Variants in ANO2 observed in about 807,000 individuals in gnomAD.
ANO2 encodes anoctamin-2.
ANO2 carries 101 observed loss-of-function variants against 124.2 expected under a neutral mutation model. That is an observed-to-expected ratio of 0.81 (90% confidence interval 0.69 to 0.96). The LOEUF (loss-of-function observed/expected upper bound fraction) is 0.96, where lower values mean the gene tolerates loss of function less well. ANO2 is among the 40% of genes least tolerant of loss of function. ANO2 has a pLI of 0.00. For synonymous variants in ANO2, 486 were observed against 482.5 expected, an observed-to-expected ratio of 1.01 and a Z score of -0.09; for missense variants, 1,293 against 1,274.5, an observed-to-expected ratio of 1.01 and a Z score of -0.22.
At chr12:5,915,701 C>T (rs1565775906) in intron 3 of ANO2, among the ~76,000 whole-genome samples, 1 of 152,194 alleles carries the variant, frequency 6.6e-6, no homozygotes, top group African/African-American at 2.4e-5. Flanking sequence ...TGTGAAGCCC[C>T]CATTCCAGGC....
intron 15 of ANO2, among the ~76,000 whole-genome samples, chr12:5,643,846 A>G (rs1224008888): frequency 2.0e-5 from 3 of 152,164 alleles, no homozygotes; most frequent in Non-Finnish European, 2.9e-5. Context: ...TTTGTGAAGT[A>G]CATATTCATC....
chr12:5,899,105 C>T (rs1200602928), intron 3 of ANO2, among the ~76,000 whole-genome samples: 3 of 152,112 alleles, frequency 2.0e-5, no homozygotes, highest in East Asian at 1.9e-4. Context: ...CTCCGGAGTC[C>T]GCCAACACCT....
At chr12:5,570,072 A>G (rs1565421722) in intron 23 of ANO2, among the ~76,000 whole-genome samples, 1 of 152,260 alleles carries the variant, frequency 6.6e-6, no homozygotes, top group African/African-American at 2.4e-5. Flanking sequence ...AATAAATGAA[A>G]GTGATACAGA....
intron 10 of ANO2, among the ~76,000 whole-genome samples, chr12:5,782,355 T>C (rs750233532): frequency 1.5e-4 from 23 of 152,250 alleles, no homozygotes; most frequent in Non-Finnish European, 2.9e-4. Context: ...GTAAACAGCA[T>C]ATAATTGGGT....
intron 4 of ANO2, among the ~76,000 whole-genome samples, chr12:5,839,427 C>A (rs1433397526): frequency 1.3e-5 from 2 of 152,166 alleles, no homozygotes; most frequent in Non-Finnish European, 2.9e-5. Context: ...GATGACTCGG[C>A]AATGGAGGAT....
Position 5,889,223 on chromosome 12 carries a change from G to C in ANO2, c.534+31817C>G, listed in dbSNP as rs563617183. On this transcript the variant is annotated intron_variant, in intron 3 of 24. Coordinates refer to ENST00000682330, the MANE Select transcript of ANO2 (RefSeq NM_001364791.2). ...ACGCGCAGCCCTGGTTCCCGACCAT[G>C]CCTCTCCCTCTACACCTCCCTGCAA... is the stretch of plus-strand genomic sequence containing the variant. Among the ~76,000 whole-genome samples, 535 of 152,236 alleles carry C rather than the reference G, an allele frequency of 3.5e-3. 4 individuals are homozygous for C. The highest frequency in any genetic ancestry group is 0.013 in the African/African-American group (521 of 41,554).
intron 10 of ANO2, among the ~76,000 whole-genome samples, chr12:5,797,077 G>A (rs1049401954): frequency 1.3e-5 from 2 of 152,196 alleles, no homozygotes; most frequent in Middle Eastern, 3.2e-3. Context: ...CCCCTGCTCC[G>A]TCACTCTTCC....
At chr12:5,649,902 G>C (rs765040286) in intron 14 of ANO2, among the ~76,000 whole-genome samples, 1 of 152,094 alleles carries the variant, frequency 6.6e-6, no homozygotes, top group Admixed American at 6.5e-5. Context: ...GCCTGCCTTG[G>C]CCTCCCAAAA....
chr12:5,784,127 G>A (rs1298448440), intron 10 of ANO2, among the ~76,000 whole-genome samples: 3 of 151,296 alleles, frequency 2.0e-5, no homozygotes, highest in African/African-American at 7.3e-5. Flanking sequence ...GTGCTTTTTC[G>A]ACCTTTCATG....
chr12:5,610,206 A>AATACTTATATAAATAT (rs1281208154), intron 19 of ANO2, among the ~76,000 whole-genome samples: 1 of 129,630 alleles, frequency 7.7e-6, no homozygotes, highest in Non-Finnish European at 1.5e-5. Flanking sequence ...TACTTATATA[A>AATACTTATATAAATAT]ATACTTATAT....
chr12:5,798,888 GT>G, intron 10 of ANO2, among the ~76,000 whole-genome samples: 1 of 152,218 alleles, frequency 6.6e-6, no homozygotes, highest in South Asian at 2.1e-4. Context: ...TTTTAAACTA[GT>G]CAGACCTATG....
chr12:5,565,735 C>T (rs1419162605), intron 23 of ANO2, 72 bp from the exon 24 acceptor site: 1 of 1,266,174 alleles, frequency 7.9e-7, no homozygotes, highest in African/African-American at 1.5e-5. Flanking sequence ...CTGGGTGAAA[C>T]CTCGAGGGCT....
chr12:5,880,894 A>G (rs1199719674), intron 3 of ANO2, among the ~76,000 whole-genome samples: 1 of 70,220 alleles, frequency 1.4e-5, no homozygotes, highest in African/African-American at 5.3e-5. Context: ...GTGGATGGGT[A>G]GGTGGGGGAT....
At chr12:5,886,036 C>T (rs142162508) in intron 3 of ANO2, among the ~76,000 whole-genome samples, 2 of 152,304 alleles carry the variant, frequency 1.3e-5, no homozygotes, top group African/African-American at 4.8e-5. Context: ...GAATAGAGTC[C>T]TGGCCTGGGA....
At chr12:5,795,408 C>G (rs1330066269) in intron 10 of ANO2, among the ~76,000 whole-genome samples, 1 of 152,172 alleles carries the variant, frequency 6.6e-6, no homozygotes, top group Non-Finnish European at 1.5e-5. Flanking sequence ...AAGTGAGCAC[C>G]CCAGGAACAG....
chr12:5,799,506 C>G lies in ANO2; in HGVS notation c.1055+1G>C. 6.2e-7 allele frequency: 1 copy of G among 1,613,468 alleles called. No individual in the cohort carries two copies. Among genetic ancestry groups the G allele is most frequent in the Non-Finnish European group, 8.5e-7 (1 of 1,179,536 alleles). On this transcript the variant is annotated splice_donor_variant, in intron 10 of 24. Transcript: ENST00000682330. LOFTEE classifies it high-confidence loss of function. ...TCCAAAAGTTCCCTACCACCTCTTACCTGATGAGGTCAATAGGTTGGAACT... is the reference window on the plus strand; with the variant it reads ...TCCAAAAGTTCCCTACCACCTCTTAGCTGATGAGGTCAATAGGTTGGAACT...
At chr12:5,946,025 C>G (rs1943086824), upstream of ANO2, 19 of 1,142,604 alleles carry the variant, frequency 1.7e-5, no homozygotes, top group South Asian at 2.6e-4. The surrounding 1 kb of genome is among the most constrained non-coding windows in gnomAD (Gnocchi z 4.1). Flanking sequence ...CTCCAAAGGG[C>G]CCTTCTGCAC....
At chr12:5,569,115 G>A (rs1941952412) in intron 23 of ANO2, among the ~76,000 whole-genome samples, 1 of 152,240 alleles carries the variant, frequency 6.6e-6, no homozygotes, top group Non-Finnish European at 1.5e-5. Context: ...ACTAAATGCT[G>A]CAAGTTTTAG....
chr12:5,787,268 C>T lies in ANO2; in HGVS notation c.1055+12239G>A, dbSNP rs1283347783. ...TGATGACAATGGGCCATGCCAGCAC[C>T]ACCCACACACAGGCACTCACATAAG... is the stretch of plus-strand genomic sequence containing the variant. On this transcript the variant is annotated intron_variant, in intron 10 of 24. Coordinates refer to ENST00000682330, the MANE Select transcript of ANO2 (RefSeq NM_001364791.2). The surrounding 1 kb of genome is among the most constrained non-coding windows in gnomAD (Gnocchi z 4.2). Among the ~76,000 whole-genome samples, 1 of 152,132 alleles carries T rather than the reference C, an allele frequency of 6.6e-6. No individual in the cohort carries two copies. Among genetic ancestry groups the T allele is most frequent in the African/African-American group, 2.4e-5 (1 of 41,428 alleles).
Sources: gnomAD v4.1 joint callset for allele counts (sites outside exome capture counted in the v4.1 genomes callset) on GRCh38, gnomAD v4.1.1 for gene constraint, Gnocchi (gnomAD v3.1) non-coding constraint, MANE v1.5 for transcripts, NCBI Gene and HGNC (gene_info 2026-07-23, HGNC 2026-07-21) for gene names.